SRGAP1: variants seen among roughly 807,000 people sequenced by gnomAD.
SRGAP1 encodes the protein SLIT-ROBO Rho GTPase-activating protein 1.
Under a neutral mutation model 121.9 loss-of-function variants are expected in SRGAP1, and 43 were observed. That is an observed-to-expected ratio of 0.35 (90% CI 0.28 to 0.46). The LOEUF (loss-of-function observed/expected upper bound fraction) is 0.46, where lower values mean the gene tolerates loss of function less well. SRGAP1 is among the 20% of genes least tolerant of loss of function. The pLI is 1.00. For missense variants in SRGAP1, 1,102 were observed against 1,350.9 expected, an observed-to-expected ratio of 0.82 and a Z score of 2.89; for synonymous variants, 447 against 485.4, an observed-to-expected ratio of 0.92 and a Z score of 1.04.
chr12:63,883,282 C>G (rs1489330396), intron 1 of SRGAP1, among the ~76,000 whole-genome samples: 1 of 152,212 alleles, frequency 6.6e-6, no homozygotes, highest in African/African-American at 2.4e-5. Flanking sequence ...TGCCCTTTGT[C>G]CATCCCAGGC....
At chr12:63,989,673 A>C (rs772232857) in intron 2 of SRGAP1, among the ~76,000 whole-genome samples, 86 of 152,234 alleles carry the variant, frequency 5.6e-4, no homozygotes, top group Admixed American at 1.1e-3. Context: ...GGATTTCACC[A>C]GTGTTCATGG....
intron 21 of SRGAP1, among the ~76,000 whole-genome samples, chr12:64,133,673 GCCT>G (rs1374950752): frequency 6.6e-6 from 1 of 152,142 alleles, no homozygotes; most frequent in African/African-American, 2.4e-5. Context: ...AAGGGACCTG[GCCT>G]CCTCTTCATT....
At chr12:64,004,623 G>A (rs1367707773) in intron 3 of SRGAP1, among the ~76,000 whole-genome samples, 1 of 152,118 alleles carries the variant, frequency 6.6e-6, no homozygotes, top group Non-Finnish European at 1.5e-5. Context: ...GCCCACCTCG[G>A]CCTCCCAAAG....
rs386376760 is a variant in SRGAP1 at position 64,012,551 on chromosome 12, C to CTTTTTTT, written c.427-4380_427-4374dup. On this transcript the variant is annotated intron_variant, in intron 3 of 21. Transcript: ENST00000355086. Reference sequence around the variant, plus strand: ...GCTTTCAAATATTTTAAGTTATTATCTTTTTTTTTTTTTTTTTTTTTTTTT... The same window carrying CTTTTTTT: ...GCTTTCAAATATTTTAAGTTATTATCTTTTTTTTTTTTTTTTTTTTTTTTTTTTTTTT... Among the ~76,000 whole-genome samples the CTTTTTTT allele has an allele frequency of 2.8e-3, 219 of 77,670 alleles. 18 individuals carry two copies. The highest frequency in any genetic ancestry group is 8.1e-3 in the African/African-American group (140 of 17,386). The allele number at this position is 77,670 out of a possible 152,430, so 51.0% of individuals were successfully genotyped here.
intron 3 of SRGAP1, among the ~76,000 whole-genome samples, chr12:63,996,815 T>C (rs2033724793): frequency 6.6e-6 from 1 of 152,146 alleles, no homozygotes; most frequent in South Asian, 2.1e-4. Context: ...GCTGGTTCTC[T>C]TGGGTTTTAT....
intron 11 of SRGAP1, among the ~76,000 whole-genome samples, chr12:64,089,024 T>G (rs2035998819): frequency 6.6e-6 from 1 of 152,230 alleles, no homozygotes. Flanking sequence ...TTTGGTATAT[T>G]GGGGACTTTC....
intron 1 of SRGAP1, among the ~76,000 whole-genome samples, chr12:63,952,941 G>A (rs1565966757): frequency 6.6e-6 from 1 of 152,008 alleles, no homozygotes; most frequent in African/African-American, 2.4e-5. Flanking sequence ...TCACTGTACC[G>A]GGCCAGGTGC....
chr12:63,967,201 G>A (rs539015059), intron 1 of SRGAP1, among the ~76,000 whole-genome samples: 2 of 152,218 alleles, frequency 1.3e-5, no homozygotes, highest in South Asian at 2.1e-4. Context: ...CCCACCTTGC[G>A]GGGCCAGGGT....
intron 6 of SRGAP1, among the ~76,000 whole-genome samples, chr12:64,053,216 G>A (rs2035272731): frequency 6.6e-6 from 1 of 152,150 alleles, no homozygotes; most frequent in Admixed American, 6.6e-5. Context: ...GGGGCCAGAT[G>A]GTAAATATTT....
intron 1 of SRGAP1, among the ~76,000 whole-genome samples, chr12:63,865,171 C>T (rs1214914404): frequency 2.0e-5 from 3 of 151,996 alleles, no homozygotes; most frequent in Non-Finnish European, 4.4e-5. Flanking sequence ...AGTAAAAATC[C>T]GTAGGCAGGG....
intron 4 of SRGAP1, among the ~76,000 whole-genome samples, chr12:64,039,827 C>T (rs1016713030): frequency 2.6e-5 from 4 of 152,110 alleles, no homozygotes; most frequent in African/African-American, 9.7e-5. Context: ...ACTCCCTTTT[C>T]ATTTCCCAGC....
chr12:63,919,560 A>G (rs2030958583), intron 1 of SRGAP1, among the ~76,000 whole-genome samples: 1 of 150,634 alleles, frequency 6.6e-6, no homozygotes, highest in South Asian at 2.1e-4. Flanking sequence ...GAAAATTATA[A>G]AGGATAACAG....
intron 1 of SRGAP1, among the ~76,000 whole-genome samples, chr12:63,856,283 A>G (rs1200711445): frequency 2.3e-5 from 3 of 130,340 alleles, no homozygotes; most frequent in African/African-American, 1.0e-4. Flanking sequence ...TAAATAAATA[A>G]ATAAATAAAT....
chr12:63,856,260 A>ATAAG (rs1288709490), intron 1 of SRGAP1, among the ~76,000 whole-genome samples: 1 of 75,772 alleles, frequency 1.3e-5, no homozygotes, highest in Non-Finnish European at 2.3e-5. Flanking sequence ...CTCTAAATAA[A>ATAAG]TAAATAAATA....
At chr12:64,133,317 C>T (rs1419914879) in intron 21 of SRGAP1, among the ~76,000 whole-genome samples, 2 of 152,202 alleles carry the variant, frequency 1.3e-5, no homozygotes, top group Non-Finnish European at 2.9e-5. Flanking sequence ...GTTCTGCCAG[C>T]TGCTAAGTAT....
At chr12:63,866,792 T>C (rs1467848499) in intron 1 of SRGAP1, among the ~76,000 whole-genome samples, 1 of 151,872 alleles carries the variant, frequency 6.6e-6, no homozygotes, top group African/African-American at 2.4e-5. Flanking sequence ...GCATAGTTCA[T>C]AGACCAGTGC....
chr12:64,003,011 T>TGTGTATGTGAGTGA (rs2033949137), intron 3 of SRGAP1, among the ~76,000 whole-genome samples: 1 of 114,654 alleles, frequency 8.7e-6, no homozygotes, highest in African/African-American at 3.5e-5. Flanking sequence ...TTGGGGGGGG[T>TGTGTATGTGAGTGA]GTGTATGTGA....
rs141873201 is a variant in SRGAP1, at chr12:63,908,233, T to G, written c.67+63350T>G. ...GAATTTTGGAATTAACCTGTCAGTA[T>G]TTGCAGAAATTCAAACTAGCTGAGA... On this transcript the variant is annotated intron_variant, in intron 1 of 21. Coordinates refer to ENST00000355086, the MANE Select transcript of SRGAP1 (RefSeq NM_020762.4). Among the ~76,000 whole-genome samples the G allele has an allele frequency of 1.9e-3, 291 of 152,308 alleles. 1 individual carries two copies. Among genetic ancestry groups the G allele is most frequent in the African/African-American group, 6.2e-3 (256 of 41,566 alleles).
At chr12:64,036,112 C>T (rs559821445) in intron 4 of SRGAP1, among the ~76,000 whole-genome samples, 3 of 152,298 alleles carry the variant, frequency 2.0e-5, no homozygotes, top group South Asian at 4.1e-4. Flanking sequence ...AGCAAGAAGA[C>T]TGGAGATTGC....
Sources: allele counts gnomAD v4.1 joint callset (sites outside exome capture counted in the v4.1 genomes callset), GRCh38; gene constraint gnomAD v4.1.1; transcripts MANE v1.5; gene names NCBI Gene and HGNC (gene_info 2026-07-23, HGNC 2026-07-21).